ARID1B: variants seen among roughly 807,000 people sequenced by gnomAD.
ARID1B encodes AT-rich interactive domain-containing protein 1B.
A neutral mutation model predicts 212.3 loss-of-function variants in ARID1B; 30 were observed. That is an observed-to-expected ratio of 0.14 (90% CI 0.11 to 0.19). The LOEUF is 0.19. Among genes scored for constraint, ARID1B ranks in the 10% least tolerant of loss-of-function variants. The pLI is 1.00. For synonymous variants in ARID1B, 1,402 were observed against 1,301.7 expected (o/e 1.08, Z -1.66); for missense variants, 2,891 against 3,204.0 (o/e 0.90, Z 2.36).
intron 3 of ARID1B, among the ~76,000 whole-genome samples, chr6:156,909,123 C>CTTTTTTTTT (rs60183999): frequency 2.8e-5 from 3 of 108,822 alleles, no homozygotes; most frequent in African/African-American, 7.5e-5. Flanking sequence ...TTTTCTTTCT[C>CTTTTTTTTT]TTTTTTTTTT....
intron 2 of ARID1B, among the ~76,000 whole-genome samples, chr6:156,857,415 A>G (rs991329044): frequency 1.3e-5 from 2 of 152,116 alleles, no homozygotes; most frequent in African/African-American, 4.8e-5. Context: ...GGCTGTTAGA[A>G]GCAGAGGCCC....
intron 4 of ARID1B, among the ~76,000 whole-genome samples, chr6:157,008,007 A>G (rs1223313678): frequency 3.9e-5 from 6 of 152,210 alleles, no homozygotes; most frequent in African/African-American, 1.4e-4. Flanking sequence ...AACTTTTTAA[A>G]GTTTAAATTA....
rs1562331430 is a variant in ARID1B at position 157,184,345 on chromosome 6, T to G, written c.3829T>G (p.Cys1277Gly). The change falls in exon 13 of 20, where the codon TGC (cysteine) becomes GGC (glycine). Residue 1277 changes from cysteine to glycine, a missense_variant. Cys to Gly is a radical substitution (Grantham distance 159). Coordinates refer to ENST00000636930, the MANE Select transcript of ARID1B (RefSeq NM_001374828.1). Reference sequence around the variant, plus strand: ...TATTCAGTACCTGTTTGCCTTTGAGTGCAAGATCGAACGTGGGGAGGAGCC... The same window carrying G: ...TATTCAGTACCTGTTTGCCTTTGAGGGCAAGATCGAACGTGGGGAGGAGCC... The part of the protein sequence containing the change: ...QYIQYLFAFE[C>G]KIERGEEPPP... The G allele has an allele frequency of 6.2e-7, 1 of 1,614,112 alleles. No homozygotes were observed. Among genetic ancestry groups the G allele is most frequent in the Non-Finnish European group, 8.5e-7 (1 of 1,180,022 alleles).
At chr6:157,140,353 C>CCT (rs1789256288) in intron 7 of ARID1B, among the ~76,000 whole-genome samples, 1 of 151,992 alleles carries the variant, frequency 6.6e-6, no homozygotes, top group African/African-American at 2.4e-5. Context: ...GCCTGTAATC[C>CCT]CAGCTACTCA....
intron 4 of ARID1B, among the ~76,000 whole-genome samples, chr6:157,076,248 T>C (rs1489661884): frequency 1.3e-5 from 2 of 152,184 alleles, no homozygotes; most frequent in African/African-American, 4.8e-5. Flanking sequence ...TGCCTATTTT[T>C]CATAGTAGAC....
At chr6:157,175,421 T>C (rs1792035688) in intron 11 of ARID1B, 1 of 152,296 alleles carries the variant, frequency 6.6e-6, no homozygotes, top group African/African-American at 2.4e-5. Flanking sequence ...CCCTGACCTG[T>C]ATTTTGCATG....
chr6:157,200,297 C>T lies in ARID1B; in HGVS notation c.4480-408C>T, dbSNP rs1165253578. 6.6e-6 allele frequency among the ~76,000 whole-genome samples: 1 copy of T among 152,126 alleles called. No homozygotes were observed. Among genetic ancestry groups the T allele is most frequent in the East Asian group, 1.9e-4 (1 of 5,184 alleles). ...TGAGGCCCAAGAAACCCTTTTACCC[C>T]AAGACCCTTTCAGGCCGGCCCCTGG... On this transcript the variant is annotated intron_variant, in intron 17 of 19. Coordinates refer to ENST00000636930, the MANE Select transcript of ARID1B (RefSeq NM_001374828.1). This position sits in a 1 kb window ranked among gnomAD's most constrained non-coding sequence, Gnocchi z 4.3.
intron 4 of ARID1B, among the ~76,000 whole-genome samples, chr6:157,050,485 A>G (rs1426226626): frequency 1.3e-5 from 2 of 152,182 alleles, no homozygotes; most frequent in African/African-American, 4.8e-5. Context: ...CGGGGGTTGC[A>G]GTGAGCGGAG....
rs150072633 is a variant in ARID1B, at chr6:157,090,767, G to T, written c.2491+5862G>T. Among the ~76,000 whole-genome samples, 800 of 152,342 alleles carry T rather than the reference G, an allele frequency of 5.3e-3. 13 individuals are homozygous for T. Among genetic ancestry groups the T allele is most frequent in the African/African-American group, 0.018 (743 of 41,582 alleles). ...CTGGGCATGAGGGATGGGTCAGGGT[G>T]CCTTCAGAGCTGAGACTGTGAAGCC... On this transcript the variant is annotated intron_variant, in intron 5 of 19. Coordinates refer to ENST00000636930, the MANE Select transcript of ARID1B (RefSeq NM_001374828.1).
chr6:157,110,010 C>T (rs1786785233), intron 5 of ARID1B, among the ~76,000 whole-genome samples: 1 of 152,162 alleles, frequency 6.6e-6, no homozygotes, highest in Non-Finnish European at 1.5e-5. Context: ...TATGTTAAAT[C>T]TCTGACTGAC....
At chr6:157,017,469 A>C (rs1160533113) in intron 4 of ARID1B, among the ~76,000 whole-genome samples, 1 of 152,192 alleles carries the variant, frequency 6.6e-6, no homozygotes, top group Non-Finnish European at 1.5e-5. Flanking sequence ...TGTTTTGGCT[A>C]TTAAATGACT....
intron 2 of ARID1B, among the ~76,000 whole-genome samples, chr6:156,856,897 G>A (rs67423053): frequency 0.28 from 42,856 of 151,898 alleles, 6,173 homozygotes; most frequent in Non-Finnish European, 0.32. Context: ...TGGACCGTTG[G>A]GAGCTTGACG....
At chr6:157,138,398 C>G (rs1789090587) in intron 7 of ARID1B, among the ~76,000 whole-genome samples, 1 of 152,084 alleles carries the variant, frequency 6.6e-6, no homozygotes, top group African/African-American at 2.4e-5. Context: ...CCACGCCGGG[C>G]TAATTTTTTT....
intron 4 of ARID1B, among the ~76,000 whole-genome samples, chr6:157,003,058 G>A (rs140173773): frequency 1.7e-4 from 26 of 152,200 alleles, no homozygotes; most frequent in Admixed American, 1.6e-3. Flanking sequence ...AGGCCGGGAG[G>A]ATGGTGGGGA....
At chr6:156,960,313 G>A (rs1351360887) in intron 4 of ARID1B, among the ~76,000 whole-genome samples, 5 of 152,098 alleles carry the variant, frequency 3.3e-5, no homozygotes, top group African/African-American at 9.7e-5. Context: ...CATATGTCCT[G>A]CAGCATCTGT....
At chr6:156,873,209 A>G (rs1786286985) in intron 2 of ARID1B, among the ~76,000 whole-genome samples, 1 of 152,224 alleles carries the variant, frequency 6.6e-6, no homozygotes, top group Admixed American at 6.5e-5. Context: ...GGGAATGGGC[A>G]CAAATTTTCA....
At position 157,190,353 on chromosome 6, in the gene ARID1B, T is replaced by A; in HGVS notation, c.4231+143T>A. ...GTCCCAGGTCCCCATCCTACTCCAC[T>A]TGTGGCCTTGGGAAAAGCAGTTAGC... On this transcript the variant is annotated intron_variant, in intron 15 of 19. Coordinates refer to ENST00000636930, the MANE Select transcript of ARID1B (RefSeq NM_001374828.1). This position sits in a 1 kb window ranked among gnomAD's most constrained non-coding sequence, Gnocchi z 4.6. The A allele has an allele frequency of 9.4e-7, 1 of 1,069,006 alleles. No individual in the cohort carries two copies. Among genetic ancestry groups the A allele is most frequent in the Non-Finnish European group, 1.3e-6 (1 of 769,684 alleles). The allele number at this position is 1,069,006 out of a possible 1,614,324, so 66.2% of individuals were successfully genotyped here. A position where few individuals can be genotyped will look rare whatever the true frequency, so the allele number is the denominator to read the frequency against.
intron 8 of ARID1B, among the ~76,000 whole-genome samples, chr6:157,153,149 C>T (rs944732467): frequency 6.6e-6 from 1 of 152,094 alleles, no homozygotes; most frequent in Admixed American, 6.5e-5. Flanking sequence ...TTGAGAGTGA[C>T]AATATGAAGG....
intron 7 of ARID1B, among the ~76,000 whole-genome samples, chr6:157,140,305 A>C (rs1012914032): frequency 1.3e-5 from 2 of 152,026 alleles, no homozygotes; most frequent in African/African-American, 2.4e-5. Context: ...CCCCATCTCT[A>C]TTAAAAATAC....
Sources: allele counts gnomAD v4.1 joint callset (sites outside exome capture counted in the v4.1 genomes callset), GRCh38; gene constraint gnomAD v4.1.1; non-coding constraint Gnocchi (gnomAD v3.1); transcripts MANE v1.5; gene names NCBI Gene and HGNC (gene_info 2026-07-23, HGNC 2026-07-21).